The following CEP128 variants were observed in gnomAD, a reference collection of about 807,000 sequenced individuals.
CEP128 encodes the protein centrosomal protein 128.
CEP128 carries 132 observed loss-of-function variants against 156.7 expected under a neutral mutation model. The ratio of observed to expected loss-of-function variants is 0.84; its 90% CI spans 0.73 to 0.97. The LOEUF (loss-of-function observed/expected upper bound fraction) is 0.97. Ranked by LOEUF, CEP128 falls within the 50% of genes least tolerant of loss-of-function variation. The pLI, the probability that CEP128 is intolerant of heterozygous loss-of-function variation, is 0.00. For synonymous variants in CEP128, 469 were observed against 448.9 expected, an observed-to-expected ratio of 1.04 and a Z score of -0.57; for missense variants, 1,252 against 1,281.9, an observed-to-expected ratio of 0.98 and a Z score of 0.36.
chr14:80,887,280 A>C (rs1050378994), intron 8 of CEP128, among the ~76,000 whole-genome samples: 11 of 152,210 alleles, frequency 7.2e-5, no homozygotes, highest in Non-Finnish European at 1.2e-4. Context: ...AAGTAGACCT[A>C]ATAGGTATCT....
At chr14:80,886,618 T>C (rs549858945) in intron 8 of CEP128, among the ~76,000 whole-genome samples, 1 of 152,214 alleles carries the variant, frequency 6.6e-6, no homozygotes, top group Admixed American at 6.5e-5. Context: ...TTGCAAGAGC[T>C]CCTGAAGGAA....
At chr14:80,523,434 T>C (rs1449963260) in intron 23 of CEP128, among the ~76,000 whole-genome samples, 1 of 152,224 alleles carries the variant, frequency 6.6e-6, no homozygotes, top group Non-Finnish European at 1.5e-5. Flanking sequence ...TTTTCATTTT[T>C]GTACCACAGT....
intron 18 of CEP128, among the ~76,000 whole-genome samples, chr14:80,747,273 A>C (rs958895357): frequency 6.6e-6 from 1 of 152,224 alleles, no homozygotes. Context: ...ACATGCAAAA[A>C]CTCAGATAGA....
intron 19 of CEP128, among the ~76,000 whole-genome samples, chr14:80,622,135 C>T (rs1397891058): frequency 1.3e-5 from 2 of 152,068 alleles, no homozygotes; most frequent in Non-Finnish European, 2.9e-5. Context: ...GTGGGATAGG[C>T]TTTCTGGAGC....
chr14:80,671,481 A>G (rs896483341), intron 19 of CEP128, among the ~76,000 whole-genome samples: 2 of 152,198 alleles, frequency 1.3e-5, no homozygotes, highest in Admixed American at 6.5e-5. Flanking sequence ...GTATCAGGCT[A>G]AGATCAATTC....
chr14:80,683,022 C>A (rs1252256410), intron 19 of CEP128, among the ~76,000 whole-genome samples: 1 of 152,090 alleles, frequency 6.6e-6, no homozygotes, highest in African/African-American at 2.4e-5. Flanking sequence ...CACAAACACA[C>A]TCACTTAAGT....
intron 10 of CEP128, 90 bp downstream of exon 10, chr14:80,840,592 A>C: frequency 2.6e-6 from 2 of 772,616 alleles, no homozygotes; most frequent in Non-Finnish European, 4.4e-6. Context: ...AATGTTCTAA[A>C]GGATCCTGGG....
intron 12 of CEP128, 28 bp from the exon 13 acceptor site, chr14:80,831,322 G>A (rs774029844): frequency 1.9e-6 from 3 of 1,610,186 alleles, no homozygotes; most frequent in Admixed American, 3.4e-5. Flanking sequence ...AAGGCTCAAG[G>A]GTTGTTCTTT....
At chr14:80,662,412 A>G (rs995090194) in intron 19 of CEP128, among the ~76,000 whole-genome samples, 1 of 152,184 alleles carries the variant, frequency 6.6e-6, no homozygotes, top group African/African-American at 2.4e-5. Context: ...GGCTAACTAC[A>G]ATTTTTTAAA....
In CEP128 at chr14:80,906,823, GA is replaced by G. The variant is rs1040649570; in HGVS notation, c.235-743del. 2.0e-5 allele frequency among the ~76,000 whole-genome samples: 3 copies of G among 151,948 alleles called. No individual in the cohort carries two copies. The East Asian group carries it at 5.8e-4, about 29-fold the overall frequency. On this transcript the variant is annotated intron_variant, in intron 4 of 24. Coordinates refer to ENST00000555265, the MANE Select transcript of CEP128 (RefSeq NM_152446.5). The stretch of plus-strand genomic sequence containing the variant: ...AAGAGGATTCGACTAAGACCCAAGG[GA>G]AAAAAAATTAAAGCTGAAGAAAATC...
chr14:80,672,964 G>A (rs1895904064), intron 19 of CEP128, among the ~76,000 whole-genome samples: 1 of 151,988 alleles, frequency 6.6e-6, no homozygotes, highest in Non-Finnish European at 1.5e-5. Flanking sequence ...CAAACTTAAG[G>A]TTTCAAACTT....
intron 21 of CEP128, among the ~76,000 whole-genome samples, chr14:80,552,934 T>C (rs1274285217): frequency 6.6e-6 from 1 of 152,174 alleles, no homozygotes; most frequent in Non-Finnish European, 1.5e-5. Flanking sequence ...TTCTTTTATA[T>C]GATCCATTAT....
chr14:80,828,739 G>A (rs936187966), intron 13 of CEP128, among the ~76,000 whole-genome samples: 9 of 152,156 alleles, frequency 5.9e-5, no homozygotes, highest in Non-Finnish European at 2.9e-5. Flanking sequence ...TGTAGGAGAG[G>A]TGTCAGAAAG....
intron 9 of CEP128, among the ~76,000 whole-genome samples, chr14:80,851,925 A>G (rs1219636520): frequency 6.6e-6 from 1 of 152,028 alleles, no homozygotes; most frequent in Admixed American, 6.6e-5. Flanking sequence ...AATTATACAT[A>G]AGATACCACA....
At chr14:80,792,126 A>T in intron 14 of CEP128, among the ~76,000 whole-genome samples, 1 of 152,242 alleles carries the variant, frequency 6.6e-6, no homozygotes. Context: ...ATTTAAAGTA[A>T]CTGATTATAC....
intron 19 of CEP128, among the ~76,000 whole-genome samples, chr14:80,664,218 T>C (rs998309629): frequency 6.6e-6 from 1 of 152,048 alleles, no homozygotes; most frequent in Admixed American, 6.6e-5. Context: ...CTAAAAAAGA[T>C]GGTGAGGGCC....
intron 19 of CEP128, among the ~76,000 whole-genome samples, chr14:80,608,226 A>G (rs894244116): frequency 1.3e-5 from 2 of 152,152 alleles, no homozygotes; most frequent in African/African-American, 2.4e-5. Context: ...CATTATCTAT[A>G]TATTTGTTTA....
rs75125082 is a variant in CEP128, at chr14:80,586,622, A to G, written c.2807-6199T>C. 5.5e-3 allele frequency among the ~76,000 whole-genome samples: 843 copies of G among 152,326 alleles called. 8 individuals carry two copies. Among genetic ancestry groups the G allele is most frequent in the Middle Eastern group, 0.014 (4 of 294 alleles). ...AACTTCATTAAAGCACTTGTGTAAC[A>G]TCGACAATCTGTGGGAAGACCCACA... On this transcript the variant is annotated intron_variant, in intron 19 of 24. Transcript: ENST00000555265.
intron 13 of CEP128, among the ~76,000 whole-genome samples, chr14:80,796,025 G>A (rs1306029998): frequency 6.6e-6 from 1 of 152,100 alleles, no homozygotes; most frequent in Non-Finnish European, 1.5e-5. Context: ...CTTCTACCCA[G>A]TACCATGTAC....
Sources: allele counts gnomAD v4.1 joint callset (sites outside exome capture counted in the v4.1 genomes callset), GRCh38; gene constraint gnomAD v4.1.1; transcripts MANE v1.5; gene names NCBI Gene and HGNC (gene_info 2026-07-23, HGNC 2026-07-21).